The following AGMO variants were observed in gnomAD, a reference collection of about 807,000 sequenced individuals.
AGMO encodes alkylglycerol monooxygenase.
Under a neutral mutation model 60.2 loss-of-function variants are expected in AGMO, and 75 were observed. That is an observed-to-expected ratio of 1.25 (90% CI 1.03 to 1.51). The LOEUF is 1.51. Ranked by LOEUF, AGMO falls within the 40% of genes most tolerant of loss-of-function variation. The pLI, the probability that AGMO is intolerant of heterozygous loss-of-function variation, is 0.00. For missense variants in AGMO, 763 were observed against 525.5 expected (o/e 1.45, Z -4.42); for synonymous variants, 261 against 177.1 (o/e 1.47, Z -3.76).
chr7:15,413,061 A>G (rs937395798), intron 5 of AGMO, among the ~76,000 whole-genome samples: 1 of 152,236 alleles, frequency 6.6e-6, no homozygotes, highest in Non-Finnish European at 1.5e-5. Flanking sequence ...TTAGCAGACA[A>G]GAATTTTTAA....
chr7:15,281,863 A>C (rs185337385), intron 12 of AGMO, among the ~76,000 whole-genome samples: 1 of 152,190 alleles, frequency 6.6e-6, no homozygotes, highest in African/African-American at 2.4e-5. Context: ...TGCCATTCCA[A>C]CCTCACAGGA....
intron 12 of AGMO, among the ~76,000 whole-genome samples, chr7:15,254,608 T>C (rs951853724): frequency 6.6e-6 from 1 of 152,136 alleles, no homozygotes; most frequent in Non-Finnish European, 1.5e-5. Flanking sequence ...CTTGAGTTCC[T>C]TATAAAATCT....
Position 15,365,522 on chromosome 7 carries a change from C to T in AGMO, c.1255G>A (p.Ala419Thr), listed in dbSNP as rs141008835. The T allele has an allele frequency of 6.8e-6, 11 of 1,610,182 alleles. No individual in the cohort carries two copies. In the African/African-American group the frequency reaches 1.5e-4, roughly 22 times the overall value. ...LKPLVPSLSSAFEIVFSICIA... is the reference protein window; with the variant it reads ...LKPLVPSLSSTFEIVFSICIA... ...CTAAACAAATGTCTTACCTCAAAAG[C>T]AGATGACAATGAAGGGACAAGAGGC... The change falls in exon 12 of 13, where the codon GCT becomes ACT. Residue 419 changes from alanine to threonine, a missense_variant. Coordinates refer to ENST00000342526, the MANE Select transcript of AGMO (RefSeq NM_001004320.2).
chr7:15,197,943 C>G (rs906128377), downstream of AGMO, among the ~76,000 whole-genome samples: 4 of 152,012 alleles, frequency 2.6e-5, no homozygotes, highest in African/African-American at 9.7e-5. Flanking sequence ...ATTTCATGGG[C>G]CTGTACAAGT....
intron 12 of AGMO, among the ~76,000 whole-genome samples, chr7:15,343,565 A>G (rs984478323): frequency 1.1e-4 from 16 of 152,182 alleles, no homozygotes; most frequent in African/African-American, 3.9e-4. Flanking sequence ...AGGTATAGAA[A>G]TATAATTTGA....
At chr7:15,226,972 T>C (rs995320884) in intron 12 of AGMO, among the ~76,000 whole-genome samples, 1 of 152,100 alleles carries the variant, frequency 6.6e-6, no homozygotes, top group African/African-American at 2.4e-5. Flanking sequence ...GACTCTTAAT[T>C]ATGGTTAGGG....
At chr7:15,258,542 C>G (rs1434639926) in intron 12 of AGMO, among the ~76,000 whole-genome samples, 1 of 151,400 alleles carries the variant, frequency 6.6e-6, no homozygotes, top group Non-Finnish European at 1.5e-5. Flanking sequence ...GAGCAAGACT[C>G]TTTCTCAAAA....
chr7:15,134,921 C>A, the AGMO span, among the ~76,000 whole-genome samples: 2 of 151,822 alleles, frequency 1.3e-5, no homozygotes, highest in African/African-American at 4.8e-5. Context: ...AGTTTACACA[C>A]GAATGACGTT....
intron 12 of AGMO, among the ~76,000 whole-genome samples, chr7:15,348,697 G>A (rs1416567284): frequency 6.6e-6 from 1 of 152,010 alleles, no homozygotes; most frequent in Non-Finnish European, 1.5e-5. Flanking sequence ...GCATCACTCT[G>A]TTTTTCACTT....
At chr7:15,382,849 T>C (rs1783749206) in intron 10 of AGMO, among the ~76,000 whole-genome samples, 1 of 152,168 alleles carries the variant, frequency 6.6e-6, no homozygotes, top group South Asian at 2.1e-4. Flanking sequence ...TATATGTCAC[T>C]AGGTGTTTAT....
intron 12 of AGMO, among the ~76,000 whole-genome samples, chr7:15,296,213 A>G (rs1784400653): frequency 6.6e-6 from 1 of 152,128 alleles, no homozygotes; most frequent in African/African-American, 2.4e-5. Context: ...TATGCCTAAA[A>G]AGAGTAACTC....
chr7:15,416,975 T>G (rs1289912418), intron 5 of AGMO, among the ~76,000 whole-genome samples: 1 of 152,214 alleles, frequency 6.6e-6, no homozygotes, highest in Middle Eastern at 3.2e-3. Flanking sequence ...CTCTTCGCTC[T>G]CCATCCTGAA....
In AGMO at chr7:15,515,976, G is replaced by C. The variant is rs149054372; in HGVS notation, c.409+28796C>G. On this transcript the variant is annotated intron_variant, in intron 3 of 12. Transcript: ENST00000342526. ...CAAGAGATCGATCGTACACCATGGTGACTACAGTGAATAACAAAAATAATA... is the reference window on the plus strand; with the variant it reads ...CAAGAGATCGATCGTACACCATGGTCACTACAGTGAATAACAAAAATAATA... Among the ~76,000 whole-genome samples, 537 of 152,198 alleles carry C rather than the reference G, an allele frequency of 3.5e-3. 3 individuals are homozygous for C. Among genetic ancestry groups the C allele is most frequent in the African/African-American group, 0.013 (521 of 41,530 alleles).
chr7:15,255,549 A>AAG (rs1358338581), intron 12 of AGMO, among the ~76,000 whole-genome samples: 108 of 149,654 alleles, frequency 7.2e-4, no homozygotes, highest in African/African-American at 2.5e-3. Context: ...AAAAAAAAAA[A>AAG]AGAAAGAAAG....
intron 10 of AGMO, among the ~76,000 whole-genome samples, chr7:15,367,111 T>C (rs1432277657): frequency 6.6e-6 from 1 of 152,048 alleles, no homozygotes; most frequent in Non-Finnish European, 1.5e-5. Flanking sequence ...GTTTTTGGAC[T>C]CTCAGTCAAA....
chr7:15,214,750 CA>C (rs902814893), intron 12 of AGMO, among the ~76,000 whole-genome samples: 10 of 151,570 alleles, frequency 6.6e-5, no homozygotes, highest in African/African-American at 9.7e-5. Flanking sequence ...TTGCGAGGGT[CA>C]AAAAAAGAGT....
chr7:15,339,913 T>C lies in AGMO; in HGVS notation c.1263+25601A>G, dbSNP rs555809079. On this transcript the variant is annotated intron_variant, in intron 12 of 12. Coordinates refer to ENST00000342526, the MANE Select transcript of AGMO (RefSeq NM_001004320.2). ...TTCATTATTAATATTTAGCTAAGGG[T>C]AAACAATGTTACATTTATAATTCAG... Among the ~76,000 whole-genome samples, 4 of 152,328 alleles carry C rather than the reference T, an allele frequency of 2.6e-5. No homozygotes were observed. The South Asian group carries it at 8.3e-4, about 32-fold the overall frequency.
At chr7:15,258,012 A>G (rs1341145185) in intron 12 of AGMO, among the ~76,000 whole-genome samples, 2 of 152,224 alleles carry the variant, frequency 1.3e-5, no homozygotes, top group Non-Finnish European at 2.9e-5. Context: ...AAAACTCAGA[A>G]TAATAAACTA....
chr7:15,499,945 AAT>A (rs1554279791), intron 3 of AGMO, among the ~76,000 whole-genome samples: 8 of 135,336 alleles, frequency 5.9e-5, no homozygotes, highest in African/African-American at 1.8e-4. Flanking sequence ...ATATATATAT[AAT>A]ATATATATTT....
Sources: gnomAD v4.1 joint callset for allele counts (sites outside exome capture counted in the v4.1 genomes callset) on GRCh38, gnomAD v4.1.1 for gene constraint, MANE v1.5 for transcripts, NCBI Gene and HGNC (gene_info 2026-07-23, HGNC 2026-07-21) for gene names.